The following TCF12 variants were observed in gnomAD, a reference collection of about 807,000 sequenced individuals.
TCF12 encodes DNA-binding protein HTF4.
In TCF12, 45 loss-of-function variants were observed where a neutral mutation model predicts 86.0. The observed-to-expected ratio is 0.52, with a 90% confidence interval of 0.41 to 0.67. TCF12 has a LOEUF of 0.67. TCF12 is among the 30% of genes least tolerant of loss of function. The pLI is 0.00. For missense variants in TCF12, 881 were observed against 859.9 expected (o/e 1.02, Z -0.31); for synonymous variants, 330 against 299.6 (o/e 1.10, Z -1.05).
At chr15:57,282,122 G>T in intron 19 of TCF12, 1 of 360,014 alleles carries the variant, frequency 2.8e-6, no homozygotes. Flanking sequence ...GTCTTAGTAG[G>T]ACATTGAAGA....
intron 5 of TCF12, among the ~76,000 whole-genome samples, chr15:57,150,516 G>A (rs900822853): frequency 7.9e-5 from 12 of 152,240 alleles, no homozygotes; most frequent in Admixed American, 7.8e-4. Context: ...TCACTTAACT[G>A]CTTGCCAGAA....
rs774418175 is a variant in TCF12 at position 57,192,230 on chromosome 15, G to A, written c.463G>A (p.Ala155Thr). Residue 155 changes from alanine (A) to threonine (T), a missense_variant, in exon 7 of 21, where the codon GCA (alanine) becomes ACA (threonine). Physicochemically the swap from Ala to Thr is moderately conservative, Grantham distance 58. Around this residue, in one of 3 missense-constraint regions of TCF12, gnomAD observed 766 missense variants for 718.9 expected, o/e 1.07. Coordinates refer to ENST00000333725, the MANE Select transcript of TCF12 (RefSeq NM_207037.2). Reference protein sequence around the residue: ...QLSSSGKPGTAYYSFSATSSR... With the variant: ...QLSSSGKPGTTYYSFSATSSR... ...ATCTTCTTCAGGAAAACCTGGGACA[G>A]CATACTATTCATTCTCTGCTACAAG... 6.2e-7 allele frequency: 1 copy of A among 1,614,162 alleles called. No individual in the cohort carries two copies. Among genetic ancestry groups the A allele is most frequent in the Admixed American group, 1.7e-5 (1 of 60,020 alleles).
chr15:57,186,098 C>T (rs1166160334), intron 6 of TCF12, among the ~76,000 whole-genome samples: 1 of 152,016 alleles, frequency 6.6e-6, no homozygotes, highest in African/African-American at 2.4e-5. Flanking sequence ...TAGACAAATT[C>T]CTAGATATAA....
intron 3 of TCF12, among the ~76,000 whole-genome samples, chr15:57,027,128 TAA>T (rs1377566400): frequency 6.6e-6 from 1 of 152,184 alleles, no homozygotes; most frequent in Non-Finnish European, 1.5e-5. Context: ...TAATGTATGA[TAA>T]GATTAGTTTT....
At chr15:57,116,072 C>T (rs1343656208) in intron 5 of TCF12, among the ~76,000 whole-genome samples, 1 of 152,068 alleles carries the variant, frequency 6.6e-6, no homozygotes, top group Admixed American at 6.6e-5. Context: ...AAAAGTGGGG[C>T]AGGTATTGTT....
chr15:57,120,642 A>G (rs2051164897), intron 5 of TCF12, among the ~76,000 whole-genome samples: 1 of 152,180 alleles, frequency 6.6e-6, no homozygotes, highest in Non-Finnish European at 1.5e-5. Flanking sequence ...TTATATTTCT[A>G]TATTTTTTTG....
intron 5 of TCF12, among the ~76,000 whole-genome samples, chr15:57,127,291 C>T (rs1452276239): frequency 6.6e-6 from 1 of 151,996 alleles, no homozygotes; most frequent in Non-Finnish European, 1.5e-5. Context: ...CCCGCTTGTA[C>T]TCTTTCTTCT....
At chr15:57,246,436 CTTGTG>C (rs1342654360) in intron 13 of TCF12, among the ~76,000 whole-genome samples, 1 of 152,122 alleles carries the variant, frequency 6.6e-6, no homozygotes, top group Non-Finnish European at 1.5e-5. Context: ...GATTTATTAT[CTTGTG>C]TTGTGAGGTC....
intron 6 of TCF12, among the ~76,000 whole-genome samples, chr15:57,170,482 C>T (rs904417527): frequency 4.0e-5 from 6 of 149,064 alleles, no homozygotes; most frequent in South Asian, 2.1e-4. Flanking sequence ...AAAGTGTATG[C>T]GCTTGTGAAA....
intron 5 of TCF12, among the ~76,000 whole-genome samples, chr15:57,145,591 T>C (rs1172278587): frequency 6.6e-6 from 1 of 151,762 alleles, no homozygotes; most frequent in Admixed American, 6.5e-5. Context: ...TGACCACAGA[T>C]TGATAGAATC....
intron 8 of TCF12, chr15:57,219,689 C>T: frequency 9.6e-7 from 1 of 1,036,890 alleles, no homozygotes; most frequent in South Asian, 1.6e-5. Flanking sequence ...TTTGTTTTAT[C>T]CTTTTATGCA....
chr15:57,151,336 A>G (rs1325124185), intron 5 of TCF12, among the ~76,000 whole-genome samples: 2 of 147,712 alleles, frequency 1.4e-5, no homozygotes, highest in Non-Finnish European at 3.0e-5. Context: ...TGAAAAATAC[A>G]CTGGATGATA....
At chr15:57,147,899 T>TA (rs5812869) in intron 5 of TCF12, among the ~76,000 whole-genome samples, 1 of 150,826 alleles carries the variant, frequency 6.6e-6, no homozygotes, top group African/African-American at 2.4e-5. Flanking sequence ...TTTTTTTTTT[T>TA]AAACAAAGTC....
intron 7 of TCF12, among the ~76,000 whole-genome samples, chr15:57,194,775 T>C (rs1331600454): frequency 2.0e-5 from 3 of 152,222 alleles, no homozygotes; most frequent in Admixed American, 6.5e-5. Context: ...CACAAAAGGA[T>C]GTGTTACCCC....
intron 19 of TCF12, among the ~76,000 whole-genome samples, chr15:57,275,693 C>T (rs1466226086): frequency 1.3e-5 from 2 of 152,126 alleles, no homozygotes; most frequent in Non-Finnish European, 2.9e-5. Context: ...TCTATAAAAA[C>T]AGCTTTTGTT....
chr15:57,105,529 C>T (rs1046835458), intron 5 of TCF12, among the ~76,000 whole-genome samples: 2 of 152,162 alleles, frequency 1.3e-5, no homozygotes, highest in Admixed American at 6.5e-5. Context: ...TCTCCTGCCT[C>T]AGCCTCCCGA....
intron 4 of TCF12, among the ~76,000 whole-genome samples, chr15:57,075,820 C>G (rs1306517393): frequency 3.8e-5 from 2 of 52,438 alleles, no homozygotes; most frequent in Non-Finnish European, 7.5e-5. Context: ...CTCTCTCTCT[C>G]TCTCTCTCTC....
At chr15:57,265,818 A>G (rs2060835724) in intron 18 of TCF12, among the ~76,000 whole-genome samples, 1 of 152,226 alleles carries the variant, frequency 6.6e-6, no homozygotes, top group African/African-American at 2.4e-5. Context: ...GCAGCACAGT[A>G]GGTTTGTTTA....
intron 3 of TCF12, among the ~76,000 whole-genome samples, chr15:56,941,510 T>G (rs113846860): frequency 5.1e-4 from 77 of 151,948 alleles, no homozygotes; most frequent in African/African-American, 1.8e-3. Context: ...GTAGCTGGGA[T>G]TACAGGCATG....
Sources: gnomAD v4.1 joint callset for allele counts (sites outside exome capture counted in the v4.1 genomes callset) on GRCh38, gnomAD v4.1.1 for gene constraint, gnomAD v4.1.1 regional missense constraint, MANE v1.5 for transcripts, NCBI Gene and HGNC (gene_info 2026-07-23, HGNC 2026-07-21) for gene names.